COG5: variants seen among roughly 807,000 people sequenced by gnomAD.
COG5 encodes the protein conserved oligomeric Golgi complex subunit 5.
COG5 carries 86 observed loss-of-function variants against 110.4 expected under a neutral mutation model. The ratio of observed to expected loss-of-function variants is 0.78; its 90% CI spans 0.65 to 0.93. The LOEUF is 0.93. COG5 is among the 40% of genes least tolerant of loss of function. The probability of loss-of-function intolerance (pLI) is 0.00; values close to 1 mark genes in which losing one functional copy is unlikely to be tolerated. For synonymous variants in COG5, 360 were observed against 334.6 expected, an observed-to-expected ratio of 1.08 and a Z score of -0.83; for missense variants, 1,077 against 987.0, an observed-to-expected ratio of 1.09 and a Z score of -1.22.
intron 6 of COG5, among the ~76,000 whole-genome samples, chr7:107,428,861 CAT>C (rs764367760): frequency 7.9e-5 from 12 of 152,118 alleles, no homozygotes; most frequent in Admixed American, 1.3e-4. Context: ...AGCAAGTTCT[CAT>C]ATTTTCTTAG....
chr7:107,556,365 T>TA (rs1803319122), intron 2 of COG5, among the ~76,000 whole-genome samples: 1 of 152,212 alleles, frequency 6.6e-6, no homozygotes, highest in South Asian at 2.1e-4. Flanking sequence ...ATCTCACTGA[T>TA]ATAGACTACT....
intron 5 of COG5, among the ~76,000 whole-genome samples, chr7:107,529,903 T>A (rs923284270): frequency 6.6e-6 from 1 of 152,174 alleles, no homozygotes; most frequent in African/African-American, 2.4e-5. Context: ...TATCTTGCAC[T>A]GGAAACATTA....
chr7:107,352,383 T>G (rs950473180), intron 10 of COG5, among the ~76,000 whole-genome samples: 7 of 150,472 alleles, frequency 4.7e-5, no homozygotes, highest in African/African-American at 1.5e-4. Flanking sequence ...CACACCAACA[T>G]GGCACATGTA....
chr7:107,507,922 T>A (rs1799148990), intron 6 of COG5, among the ~76,000 whole-genome samples: 1 of 152,160 alleles, frequency 6.6e-6, no homozygotes, highest in Non-Finnish European at 1.5e-5. Flanking sequence ...GGAGCTAAGA[T>A]GGCTGAACAG....
chr7:107,475,090 C>A, intron 6 of COG5: 1 of 1,612,778 alleles, frequency 6.2e-7, no homozygotes, highest in African/African-American at 1.3e-5. Context: ...CCCAAGTGAC[C>A]TTTTAGTAAA....
At chr7:107,307,764 G>C (rs1037473648) in intron 11 of COG5, among the ~76,000 whole-genome samples, 1 of 152,044 alleles carries the variant, frequency 6.6e-6, no homozygotes, top group Non-Finnish European at 1.5e-5. Flanking sequence ...TGATGGGGGA[G>C]AAGGGTGGGA....
intron 6 of COG5, among the ~76,000 whole-genome samples, chr7:107,445,212 T>C (rs1794936848): frequency 6.6e-6 from 1 of 152,124 alleles, no homozygotes; most frequent in African/African-American, 2.4e-5. Flanking sequence ...AAAAAAAATG[T>C]TGTAGAAATG....
chr7:107,518,780 G>A (rs924969386), intron 6 of COG5, among the ~76,000 whole-genome samples: 2 of 152,120 alleles, frequency 1.3e-5, no homozygotes, highest in African/African-American at 4.8e-5. Context: ...GGATATTCAC[G>A]ACTTGAACTC....
At chr7:107,247,670 A>G (rs1428736731) in intron 17 of COG5, among the ~76,000 whole-genome samples, 7 of 152,224 alleles carry the variant, frequency 4.6e-5, no homozygotes, top group African/African-American at 1.7e-4. Context: ...CAAATGCTCC[A>G]AAGTTTTCTA....
At chr7:107,222,078 C>T (rs1313839226) in intron 19 of COG5, among the ~76,000 whole-genome samples, 2 of 152,128 alleles carry the variant, frequency 1.3e-5, no homozygotes, top group Non-Finnish European at 2.9e-5. Context: ...ACAGTACATG[C>T]GCATAACAGC....
At chr7:107,519,129 T>C (rs901022940) in intron 6 of COG5, among the ~76,000 whole-genome samples, 6 of 152,122 alleles carry the variant, frequency 3.9e-5, no homozygotes, top group Non-Finnish European at 7.4e-5. Context: ...CATACCAGAA[T>C]CTCTGGGACA....
In COG5 at chr7:107,404,901, A is replaced by C. The variant is rs547016229; in HGVS notation, c.669+7601T>G. On this transcript the variant is annotated intron_variant, in intron 7 of 21. Transcript: ENST00000297135. ...TCAGAAGATGAAAAAAAAAAAAAAA[A>C]AAAAAAACAGTTGGCCAGAAAACAA... Among the ~76,000 whole-genome samples, 15 of 151,568 alleles carry C rather than the reference A, an allele frequency of 9.9e-5. No homozygotes were observed. In the East Asian group the frequency reaches 2.3e-3, roughly 23 times the overall value.
At chr7:107,363,127 C>T (rs1349784494) in intron 8 of COG5, among the ~76,000 whole-genome samples, 1 of 152,074 alleles carries the variant, frequency 6.6e-6, no homozygotes, top group African/African-American at 2.4e-5. Context: ...AAATACGTAA[C>T]AGGAATCAGA....
chr7:107,362,331 G>T lies in COG5; in HGVS notation c.925C>A (p.His309Asn), dbSNP rs768014855. 1.2e-6 allele frequency: 2 copies of T among 1,610,074 alleles called. No homozygotes were observed. Among genetic ancestry groups the T allele is most frequent in the East Asian group, 4.5e-5 (2 of 44,848 alleles). Reference protein sequence around the residue: ...FWTNMEKLMDHIYAVCGQVQH... With the variant: ...FWTNMEKLMDNIYAVCGQVQH... Reference sequence around the variant, plus strand: ...ACCTGTCCACAAACAGCATAAATATGATCCATAAGTTTCTCCATATTGGTC... The same window carrying T: ...ACCTGTCCACAAACAGCATAAATATTATCCATAAGTTTCTCCATATTGGTC... The change falls in exon 9 of 22, where the codon CAT (histidine) becomes AAT (asparagine). Residue 309 changes from histidine to asparagine, a missense_variant. By Grantham distance (68) the His-to-Asn change is moderately conservative. Coordinates refer to ENST00000297135, the MANE Select transcript of COG5 (RefSeq NM_006348.5).
chr7:107,528,622 G>A (rs1800950277), intron 5 of COG5, among the ~76,000 whole-genome samples: 1 of 152,106 alleles, frequency 6.6e-6, no homozygotes, highest in Admixed American at 6.6e-5. Context: ...AACATGTAGT[G>A]ATCTTCAGCC....
chr7:107,425,827 T>C lies in COG5; in HGVS notation c.539-13195A>G, dbSNP rs532916262. 1.1e-4 allele frequency among the ~76,000 whole-genome samples: 16 copies of C among 152,284 alleles called. No individual in the cohort carries two copies. The South Asian group carries it at 3.3e-3, about 32-fold the overall frequency. ...GAACTGTGTCTCCCTAAAATTCATA[T>C]GTTGAAGTCCTAATTCCCAGTACCT... On this transcript the variant is annotated intron_variant, in intron 6 of 21. Coordinates refer to ENST00000297135, the MANE Select transcript of COG5 (RefSeq NM_006348.5).
chr7:107,487,091 A>C (rs1338760743), intron 6 of COG5, among the ~76,000 whole-genome samples: 2 of 152,202 alleles, frequency 1.3e-5, no homozygotes, highest in African/African-American at 2.4e-5. Context: ...AACAAGTATA[A>C]TTATAAAACT....
At chr7:107,277,831 T>C (rs1012000825) in intron 14 of COG5, among the ~76,000 whole-genome samples, 3 of 152,158 alleles carry the variant, frequency 2.0e-5, no homozygotes, top group African/African-American at 4.8e-5. Context: ...GTATAACACA[T>C]ACCTTTGGTG....
intron 6 of COG5, among the ~76,000 whole-genome samples, chr7:107,436,456 A>G (rs1166795149): frequency 6.6e-6 from 1 of 152,148 alleles, no homozygotes; most frequent in Non-Finnish European, 1.5e-5. Context: ...GTGGGGGAGA[A>G]TGGGCAGTTA....
Sources: gnomAD v4.1 joint callset for allele counts (sites outside exome capture counted in the v4.1 genomes callset) on GRCh38, gnomAD v4.1.1 for gene constraint, MANE v1.5 for transcripts, NCBI Gene and HGNC (gene_info 2026-07-23, HGNC 2026-07-21) for gene names.